SPIDR: variants seen among roughly 807,000 people sequenced by gnomAD.
The protein encoded by SPIDR is DNA repair-scaffolding protein.
Under a neutral mutation model 104.6 loss-of-function variants are expected in SPIDR, and 93 were observed. The observed-to-expected ratio is 0.89, with a 90% CI of 0.75 to 1.06. The LOEUF (loss-of-function observed/expected upper bound fraction) is 1.06, where lower values mean the gene tolerates loss of function less well. SPIDR is among the 50% of genes least tolerant of loss of function. The probability of loss-of-function intolerance (pLI) is 0.00; values close to 1 mark genes in which losing one functional copy is unlikely to be tolerated. For synonymous variants in SPIDR, 431 were observed against 416.9 expected, an observed-to-expected ratio of 1.03 and a Z score of -0.41; for missense variants, 1,154 against 1,111.2, an observed-to-expected ratio of 1.04 and a Z score of -0.55.
chr8:47,673,391 C>G (rs982299776), intron 10 of SPIDR: 3 of 456,982 alleles, frequency 6.6e-6, no homozygotes, highest in Non-Finnish European at 1.3e-5. Context: ...CGAGCATCCA[C>G]ACAAAGCAAA....
At chr8:47,391,237 T>C (rs1428701406) in intron 5 of SPIDR, among the ~76,000 whole-genome samples, 7 of 152,180 alleles carry the variant, frequency 4.6e-5, no homozygotes, top group Admixed American at 1.3e-4. Flanking sequence ...CCTTGGTTCC[T>C]GTTAGAAATG....
At chr8:47,671,964 TG>T (rs1425141604) in intron 10 of SPIDR, among the ~76,000 whole-genome samples, 1 of 152,146 alleles carries the variant, frequency 6.6e-6, no homozygotes, top group African/African-American at 2.4e-5. Context: ...TTCCCCCCTT[TG>T]TTTTTGTTTT....
At chr8:47,664,812 C>T (rs576609845) in intron 10 of SPIDR, among the ~76,000 whole-genome samples, 54 of 149,224 alleles carry the variant, frequency 3.6e-4, no homozygotes, top group Admixed American at 4.7e-4. Context: ...GGAAGCATCA[C>T]TTGAGCCTGG....
chr8:47,680,384 T>C (rs1003348508), intron 11 of SPIDR, among the ~76,000 whole-genome samples: 2 of 152,172 alleles, frequency 1.3e-5, no homozygotes, highest in African/African-American at 4.8e-5. Context: ...CTGGGCAGGA[T>C]GCTGGGGCCT....
At chr8:47,608,826 C>A (rs1052625277) in intron 10 of SPIDR, among the ~76,000 whole-genome samples, 1 of 152,336 alleles carries the variant, frequency 6.6e-6, no homozygotes. Flanking sequence ...TGGTTCCAGG[C>A]GATTCTTCTG....
intron 11 of SPIDR, among the ~76,000 whole-genome samples, chr8:47,682,385 G>A (rs1395743559): frequency 2.0e-5 from 3 of 152,116 alleles, no homozygotes; most frequent in East Asian, 3.9e-4. Context: ...AGGAGAGGAA[G>A]TGGGAGTGAC....
intron 5 of SPIDR, among the ~76,000 whole-genome samples, chr8:47,312,776 G>T (rs1225938226): frequency 6.6e-6 from 1 of 152,096 alleles, no homozygotes; most frequent in African/African-American, 2.4e-5. Context: ...TTTTGGTGTT[G>T]TAGACATGAA....
At chr8:47,274,741 A>C (rs2154217025) in intron 1 of SPIDR, among the ~76,000 whole-genome samples, 1 of 151,556 alleles carries the variant, frequency 6.6e-6, no homozygotes, top group East Asian at 2.0e-4. Context: ...ACACCCGGCT[A>C]ATTTTTGTAT....
chr8:47,414,604 G>A (rs1427909074), intron 7 of SPIDR, among the ~76,000 whole-genome samples: 1 of 152,158 alleles, frequency 6.6e-6, no homozygotes, highest in Non-Finnish European at 1.5e-5. Context: ...CCACAGTTGA[G>A]AGGTCTGTTT....
At chr8:47,466,900 A>AAATATATAGATAT (rs34970317) in intron 8 of SPIDR, among the ~76,000 whole-genome samples, 1 of 114,368 alleles carries the variant, frequency 8.7e-6, no homozygotes, top group African/African-American at 3.6e-5. Context: ...AAAAAAAAAA[A>AAATATATAGATAT]ATATATATAT....
At chr8:47,708,617 C>T (rs971025302) in intron 14 of SPIDR, among the ~76,000 whole-genome samples, 9 of 152,142 alleles carry the variant, frequency 5.9e-5, no homozygotes, top group Non-Finnish European at 1.0e-4. Context: ...CATGTATCTA[C>T]GATCATAGTA....
chr8:47,537,924 C>A (rs1286830296), intron 8 of SPIDR, among the ~76,000 whole-genome samples: 1 of 152,152 alleles, frequency 6.6e-6, no homozygotes, highest in Non-Finnish European at 1.5e-5. Context: ...CACCTGTAAT[C>A]CCAACAGTTT....
At chr8:47,303,452 C>G (rs1228841896) in intron 5 of SPIDR, among the ~76,000 whole-genome samples, 2 of 152,158 alleles carry the variant, frequency 1.3e-5, no homozygotes, top group African/African-American at 4.8e-5. Flanking sequence ...ACCCAGTGTG[C>G]TGCACCCTCT....
At chr8:47,320,448 G>A (rs1025813253) in intron 5 of SPIDR, among the ~76,000 whole-genome samples, 5 of 151,930 alleles carry the variant, frequency 3.3e-5, no homozygotes, top group Admixed American at 6.6e-5. Context: ...AAATTGAGGC[G>A]ATAATAATAG....
chr8:47,714,001 C>G (rs563749793), intron 16 of SPIDR, among the ~76,000 whole-genome samples: 1 of 152,072 alleles, frequency 6.6e-6, no homozygotes, highest in Non-Finnish European at 1.5e-5. Flanking sequence ...GAGGAACATT[C>G]CTGGGAAGAG....
rs554228024 is a variant in SPIDR at position 47,697,216 on chromosome 8, G to A, written c.1686-3187G>A. On this transcript the variant is annotated intron_variant, in intron 11 of 19. Coordinates refer to ENST00000297423, the MANE Select transcript of SPIDR (RefSeq NM_001080394.4). ...GAGTGTGGAAGACTTGAAAACAGCC[G>A]TAGGGTTGGCCTCAGTGAGCCATGA... Among the ~76,000 whole-genome samples the A allele has an allele frequency of 7.3e-5, 11 of 151,614 alleles. No individual in the cohort carries two copies. The South Asian group carries it at 8.3e-4, about 11-fold the overall frequency.
intron 5 of SPIDR, among the ~76,000 whole-genome samples, chr8:47,342,328 CTTTTTTTTTTTTTT>C (rs11357859): frequency 5.9e-4 from 41 of 68,956 alleles, no homozygotes; most frequent in African/African-American, 2.5e-3. Context: ...TTTCAAAGGT[CTTTTTTTTTTTTTT>C]TTTTTTTTTT....
chr8:47,555,104 CT>C (rs1347572035), intron 8 of SPIDR, among the ~76,000 whole-genome samples: 1 of 152,068 alleles, frequency 6.6e-6, no homozygotes, highest in African/African-American at 2.4e-5. Context: ...TCTATTCTGT[CT>C]TCTGTCTCTG....
At chr8:47,358,373 C>T (rs1202819325) in intron 5 of SPIDR, among the ~76,000 whole-genome samples, 5 of 152,144 alleles carry the variant, frequency 3.3e-5, no homozygotes, top group Admixed American at 2.0e-4. Flanking sequence ...CAGATGTGAG[C>T]CTCCTTGCCT....
Sources: gnomAD v4.1 joint callset for allele counts (sites outside exome capture counted in the v4.1 genomes callset) on GRCh38, gnomAD v4.1.1 for gene constraint, MANE v1.5 for transcripts, NCBI Gene and HGNC (gene_info 2026-07-23, HGNC 2026-07-21) for gene names.